Variants in GPR161 observed in about 807,000 individuals in gnomAD.
GPR161 encodes G protein-coupled receptor 161.
In GPR161, 25 loss-of-function variants were observed where a neutral mutation model predicts 39.2. The ratio of observed to expected loss-of-function variants is 0.64; its 90% CI spans 0.47 to 0.89. The LOEUF is 0.89. Among genes scored for constraint, GPR161 ranks in the 40% least tolerant of loss-of-function variants. The probability of loss-of-function intolerance (pLI) is 0.00; values close to 1 mark genes in which losing one functional copy is unlikely to be tolerated. For synonymous variants in GPR161, 286 were observed against 276.6 expected (o/e 1.03, Z -0.34); for missense variants, 547 against 677.8 (o/e 0.81, Z 2.14).
chr1:168,110,155 C>A (rs35059151), intron 1 of GPR161, among the ~76,000 whole-genome samples: 54,325 of 151,858 alleles, frequency 0.36, 9,924 homozygotes, highest in Admixed American at 0.48. Flanking sequence ...GAGCGACAGT[C>A]AACAACAACA....
chr1:168,115,450 A>G (rs1209643356), intron 1 of GPR161, among the ~76,000 whole-genome samples: 2 of 151,836 alleles, frequency 1.3e-5, no homozygotes, highest in Non-Finnish European at 1.5e-5. Flanking sequence ...TCTTTTTGCC[A>G]TGGGCTCCTG....
intron 1 of GPR161, among the ~76,000 whole-genome samples, chr1:168,109,410 T>C (rs914208649): frequency 5.3e-5 from 8 of 152,264 alleles, no homozygotes; most frequent in African/African-American, 1.9e-4. Flanking sequence ...AGATCTATTA[T>C]AGTTTAAGTC....
intron 3 of GPR161, among the ~76,000 whole-genome samples, chr1:168,091,325 C>T (rs929032746): frequency 2.0e-5 from 3 of 152,178 alleles, no homozygotes; most frequent in African/African-American, 2.4e-5. Context: ...CGGGCACAGC[C>T]GCGGCAGAAG....
At chr1:168,109,301 T>TA (rs1558118003) in intron 1 of GPR161, among the ~76,000 whole-genome samples, 1 of 152,074 alleles carries the variant, frequency 6.6e-6, no homozygotes, top group Non-Finnish European at 1.5e-5. Flanking sequence ...TTTAATTTTT[T>TA]AAAAAAAGTC....
At position 168,104,658 on chromosome 1, in the gene GPR161, A is replaced by C; in HGVS notation, c.193T>G (p.Phe65Val). ...KSYLLTLSNK[F>V]VFSLTLSNFL... Reference sequence around the variant, plus strand: ...TTGGACAGAGTCAGGCTGAAGACGAACTTGTTGCTGAGGGTGAGGAGGTAG... The same window carrying C: ...TTGGACAGAGTCAGGCTGAAGACGACCTTGTTGCTGAGGGTGAGGAGGTAG... Residue 65 changes from phenylalanine to valine, a missense_variant, in exon 2 of 6, where the codon TTC becomes GTC. Transcript: ENST00000682931. The C allele has an allele frequency of 6.2e-7, 1 of 1,614,068 alleles. No homozygotes were observed. The highest frequency in any genetic ancestry group is 8.5e-7 in the Non-Finnish European group (1 of 1,179,930).
chr1:168,135,783 A>C (rs909361280), intron 1 of GPR161, among the ~76,000 whole-genome samples: 2 of 152,164 alleles, frequency 1.3e-5, no homozygotes, highest in African/African-American at 4.8e-5. Context: ...TCTCCATTGG[A>C]CAATCAAGGA....
At chr1:168,130,768 T>G (rs568744464) in intron 1 of GPR161, among the ~76,000 whole-genome samples, 1 of 152,290 alleles carries the variant, frequency 6.6e-6, no homozygotes, top group South Asian at 2.1e-4. Flanking sequence ...ATATGTCACA[T>G]TCAGGCACCT....
intron 1 of GPR161, among the ~76,000 whole-genome samples, chr1:168,131,842 G>A (rs1699012613): frequency 6.6e-6 from 1 of 152,152 alleles, no homozygotes; most frequent in Admixed American, 6.5e-5. Context: ...AATTTAAAAA[G>A]AGCCTCACAA....
chr1:168,118,843 AT>A, intron 1 of GPR161: 1 of 152,306 alleles, frequency 6.6e-6, no homozygotes, highest in Non-Finnish European at 1.5e-5. Flanking sequence ...ACATGAAAAG[AT>A]GCTCAACATC....
chr1:168,095,385 C>T (rs962240078), intron 3 of GPR161, among the ~76,000 whole-genome samples: 3 of 152,340 alleles, frequency 2.0e-5, no homozygotes, highest in Non-Finnish European at 4.4e-5. Flanking sequence ...TTGTTCAAGA[C>T]AGTAACCCTA....
chr1:168,130,605 C>T (rs148932563), intron 1 of GPR161, among the ~76,000 whole-genome samples: 1 of 152,192 alleles, frequency 6.6e-6, no homozygotes, highest in Non-Finnish European at 1.5e-5. Flanking sequence ...CTACCACTTG[C>T]AAAAGAAAGA....
At chr1:168,089,661 G>A (rs1325016497) in intron 4 of GPR161, 1 of 152,348 alleles carries the variant, frequency 6.6e-6, no homozygotes, top group Non-Finnish European at 1.5e-5. Context: ...TGCACCAACA[G>A]CCAGCCTGGG....
upstream of GPR161, chr1:168,137,503 G>C (rs925958971): frequency 1.9e-5 from 19 of 997,284 alleles, no homozygotes; most frequent in Middle Eastern, 2.0e-4. Context: ...CGGGGAGTGG[G>C]GAGTGGACGT....
At chr1:168,135,950 C>T (rs1699321224) in intron 1 of GPR161, 3 of 877,512 alleles carry the variant, frequency 3.4e-6, no homozygotes, top group Admixed American at 9.3e-5. Flanking sequence ...GATGCCAATG[C>T]GCAGCTATGT....
intron 1 of GPR161, among the ~76,000 whole-genome samples, chr1:168,106,328 G>A (rs1023097228): frequency 2.6e-5 from 4 of 152,172 alleles, no homozygotes; most frequent in African/African-American, 4.8e-5. Context: ...GGCTCACACC[G>A]GTAATCCCAG....
intron 1 of GPR161, among the ~76,000 whole-genome samples, chr1:168,120,946 GAACT>G (rs757852242): frequency 2.0e-5 from 3 of 152,062 alleles, no homozygotes; most frequent in Non-Finnish European, 4.4e-5. Context: ...GTGTGAAAAT[GAACT>G]AATACAGATG....
At chr1:168,109,481 G>A (rs1696925693) in intron 1 of GPR161, among the ~76,000 whole-genome samples, 1 of 152,112 alleles carries the variant, frequency 6.6e-6, no homozygotes, top group South Asian at 2.1e-4. Flanking sequence ...CAGAGAACTG[G>A]AACCAACATC....
At chr1:168,131,137 C>CCATCTTTT (rs1698957745) in intron 1 of GPR161, among the ~76,000 whole-genome samples, 1 of 152,198 alleles carries the variant, frequency 6.6e-6, no homozygotes, top group African/African-American at 2.4e-5. Flanking sequence ...ACTGCCACTA[C>CCATCTTTT]CCCAGCTCAG....
At chr1:168,111,352 C>T (rs1301321913) in intron 1 of GPR161, among the ~76,000 whole-genome samples, 1 of 152,226 alleles carries the variant, frequency 6.6e-6, no homozygotes, top group Non-Finnish European at 1.5e-5. Context: ...CTAAACTAAT[C>T]ACTATGTTCC....
Sources: allele counts gnomAD v4.1 joint callset (sites outside exome capture counted in the v4.1 genomes callset), GRCh38; gene constraint gnomAD v4.1.1; transcripts MANE v1.5; gene names NCBI Gene and HGNC (gene_info 2026-07-23, HGNC 2026-07-21).